Variants in CABIN1 observed in about 807,000 individuals in gnomAD.
CABIN1 encodes calcineurin binding protein 1, also known as calcineurin-binding protein cabin-1.
Under a neutral mutation model 227.7 loss-of-function variants are expected in CABIN1, and 133 were observed. The observed-to-expected ratio is 0.58, with a 90% CI of 0.51 to 0.67. CABIN1 has a LOEUF of 0.67. Among genes scored for constraint, CABIN1 ranks in the 30% least tolerant of loss-of-function variants. The pLI, the probability that CABIN1 is intolerant of heterozygous loss-of-function variation, is 0.00. For synonymous variants in CABIN1, 1,086 were observed against 1,155.1 expected (o/e 0.94, Z 1.21); for missense variants, 2,408 against 2,852.5 (o/e 0.84, Z 3.55).
intron 24 of CABIN1, among the ~76,000 whole-genome samples, chr22:24,094,016 C>T (rs1004574886): frequency 6.6e-5 from 10 of 152,232 alleles, no homozygotes; most frequent in Non-Finnish European, 7.3e-5. Flanking sequence ...GTTGGATCTC[C>T]GTCCTTCCCT....
chr22:24,041,114 C>T, intron 4 of CABIN1, 25 bp from the exon 5 acceptor site: 1 of 1,614,104 alleles, frequency 6.2e-7, no homozygotes, highest in Non-Finnish European at 8.5e-7. Flanking sequence ...GTCTAGTTGT[C>T]ACTTCTGTTC....
chr22:24,088,756 A>G (rs1271860083), intron 23 of CABIN1, among the ~76,000 whole-genome samples: 2 of 152,220 alleles, frequency 1.3e-5, no homozygotes, highest in Non-Finnish European at 2.9e-5. Context: ...TGTAAAAAAA[A>G]GTACTTTTTA....
intron 34 of CABIN1, among the ~76,000 whole-genome samples, chr22:24,174,799 C>T (rs992870377): frequency 3.5e-5 from 5 of 143,172 alleles, no homozygotes; most frequent in African/African-American, 1.3e-4. Context: ...GACTGGTTCT[C>T]CCCAGAGCCA....
chr22:24,104,763 C>T (rs2042417191), intron 26 of CABIN1, among the ~76,000 whole-genome samples: 1 of 152,204 alleles, frequency 6.6e-6, no homozygotes, highest in Non-Finnish European at 1.5e-5. Context: ...TTGACTGAGG[C>T]AGCTTTTATC....
At chr22:24,115,534 C>G (rs1333235821) in intron 27 of CABIN1, among the ~76,000 whole-genome samples, 1 of 152,222 alleles carries the variant, frequency 6.6e-6, no homozygotes, top group Non-Finnish European at 1.5e-5. Context: ...TGAAGTTGAT[C>G]AACTTCCTGT....
In CABIN1 at chr22:24,173,832, T is replaced by TA. The variant is rs1371188906; in HGVS notation, c.6040+1845dup. 4.0e-5 allele frequency among the ~76,000 whole-genome samples: 6 copies of TA among 151,810 alleles called. No homozygotes were observed. In the South Asian group the frequency reaches 8.4e-4, roughly 21 times the overall value. On this transcript the variant is annotated intron_variant, in intron 34 of 36. Coordinates refer to ENST00000263119, the MANE Select transcript of CABIN1 (RefSeq NM_012295.4). The stretch of plus-strand genomic sequence containing the variant: ...CTGGGCGACAGAGCTAGACTCCATC[T>TA]AAAAAAAACGAACTGCAGTGGTTCT...
At position 24,055,083 on chromosome 22, in the gene CABIN1, G is replaced by A; in HGVS notation, c.1017G>A (p.Val339=). ...CAGCTGTGGCTGTCGCCGAGCCTGT[G>A]GTCTCCTACACCTCTGTGGCTACAA... The part of the protein sequence containing the change: ...TNPAVAVAEP[V]VSYTSVATTS... Residue 339 remains valine (V), a synonymous_variant, in exon 9 of 37, where the codon GTG becomes GTA. Coordinates refer to ENST00000263119, the MANE Select transcript of CABIN1 (RefSeq NM_012295.4). 6.2e-7 allele frequency: 1 copy of A among 1,614,224 alleles called. No homozygotes were observed. The highest frequency in any genetic ancestry group is 8.5e-7 in the Non-Finnish European group (1 of 1,180,042).
intron 33 of CABIN1, among the ~76,000 whole-genome samples, chr22:24,170,359 G>A (rs747611418): frequency 6.6e-6 from 1 of 152,186 alleles, no homozygotes; most frequent in African/African-American, 2.4e-5. Flanking sequence ...TGTTGCCATG[G>A]CAGCCCTGAA....
In CABIN1 at chr22:24,171,844, C is replaced by T. The variant is rs773788256; in HGVS notation, c.5889C>T (p.His1963=). Residue 1963 remains histidine, a synonymous_variant, in exon 34 of 37, where the codon CAC becomes CAT. Transcript: ENST00000263119. ...CTGTCCAGCGGCCCAGTGATGCTCA[C>T]ACCAAGCCTCGCCCTGCACTAGCTG... is the stretch of plus-strand genomic sequence containing the variant. ...ADSVQRPSDA[H]TKPRPALAAA... 41 of 1,614,042 alleles carry T rather than the reference C, an allele frequency of 2.5e-5. No homozygotes were observed. The highest frequency in any genetic ancestry group is 4.0e-5 in the African/African-American group (3 of 74,964).
At chr22:24,135,001 C>T (rs370785873) in intron 29 of CABIN1, among the ~76,000 whole-genome samples, 5 of 151,776 alleles carry the variant, frequency 3.3e-5, no homozygotes, top group South Asian at 2.1e-4. Context: ...TGCTTGAGCC[C>T]GGGAGGTGGA....
chr22:24,021,600 C>T (rs1202908782), intron 1 of CABIN1, among the ~76,000 whole-genome samples: 4 of 152,096 alleles, frequency 2.6e-5, no homozygotes, highest in South Asian at 2.1e-4. Flanking sequence ...ATACTTGGTG[C>T]GTGATCTGTC....
At position 24,177,440 on chromosome 22, in the gene CABIN1, G is replaced by T. The variant is rs951064177; in HGVS notation, c.6206-64G>T. The T allele has an allele frequency of 2.2e-6, 3 of 1,375,688 alleles. No individual in the cohort carries two copies. Among genetic ancestry groups the T allele is most frequent in the Non-Finnish European group, 2.9e-6 (3 of 1,018,444 alleles). 85.2% of individuals were successfully genotyped at this position (1,375,688 alleles called of 1,614,324 possible). Reference sequence around the variant, plus strand: ...GGACCTGGGGGGAGCGGGTGGGGGCGAGATAAAGTGCTCACTGTGTGATGC... The same window carrying T: ...GGACCTGGGGGGAGCGGGTGGGGGCTAGATAAAGTGCTCACTGTGTGATGC... On this transcript the variant is annotated intron_variant, in intron 35 of 36. Coordinates refer to ENST00000263119, the MANE Select transcript of CABIN1 (RefSeq NM_012295.4). This position sits in a 1 kb window ranked among gnomAD's most constrained non-coding sequence, Gnocchi z 4.4.
chr22:24,159,307 C>A (rs1341312859), intron 29 of CABIN1, among the ~76,000 whole-genome samples: 1 of 152,256 alleles, frequency 6.6e-6, no homozygotes, highest in East Asian at 1.9e-4. Flanking sequence ...CTGCTGACGT[C>A]AGAAGCTGGG....
chr22:24,112,120 T>G (rs1027316193), intron 26 of CABIN1, among the ~76,000 whole-genome samples: 14 of 152,282 alleles, frequency 9.2e-5, no homozygotes, highest in Admixed American at 1.3e-4. Flanking sequence ...TTCTGCTGAT[T>G]GATTTGTCTC....
At position 24,164,549 on chromosome 22, in the gene CABIN1, C is replaced by T; in HGVS notation, c.4896C>T (p.Thr1632=). 4 of 1,604,676 alleles carry T rather than the reference C, an allele frequency of 2.5e-6. No individual in the cohort carries two copies. The highest frequency in any genetic ancestry group is 3.4e-6 in the Non-Finnish European group (4 of 1,179,916). The change falls in exon 30 of 37, where the codon ACC becomes ACT. Residue 1632 remains threonine, a synonymous_variant. Coordinates refer to ENST00000263119, the MANE Select transcript of CABIN1 (RefSeq NM_012295.4). ...AGGTGTCCTCCATGCTTCAGCGGAC[C>T]CCAGACCAGGGCAAGTGAGTGCAGC... The part of the protein sequence containing the change: ...LLKVSSMLQR[T]PDQGKKYLRD...
At position 24,127,651 on chromosome 22, in the gene CABIN1, A is replaced by G. The variant is rs1447214307; in HGVS notation, c.4633-6651A>G. 2.6e-5 allele frequency among the ~76,000 whole-genome samples: 4 copies of G among 152,190 alleles called. No individual in the cohort carries two copies. The East Asian group carries it at 7.7e-4, about 29-fold the overall frequency. On this transcript the variant is annotated intron_variant, in intron 28 of 36. Transcript: ENST00000263119. ...GTAGCAGCCTGGCAGCGCTAGCCCA[A>G]TCAGACCCCATTTCTTTGGCCCAGG...
At chr22:24,033,822 A>G (rs1267791688) in intron 1 of CABIN1, among the ~76,000 whole-genome samples, 2 of 152,190 alleles carry the variant, frequency 1.3e-5, no homozygotes, top group African/African-American at 4.8e-5. Context: ...TTAGTATATT[A>G]ACAGAGTTGT....
intron 19 of CABIN1, among the ~76,000 whole-genome samples, chr22:24,079,922 T>C (rs1400633080): frequency 6.6e-6 from 1 of 152,196 alleles, no homozygotes; most frequent in African/African-American, 2.4e-5. Context: ...ATGTGTATGG[T>C]ATTTGTTTTA....
At chr22:24,057,784 G>A (rs931762542) in intron 10 of CABIN1, among the ~76,000 whole-genome samples, 1 of 152,152 alleles carries the variant, frequency 6.6e-6, no homozygotes, top group African/African-American at 2.4e-5. Context: ...AACCAAAGTG[G>A]GGCTGCAGTG....
Sources: gnomAD v4.1 joint callset for allele counts (sites outside exome capture counted in the v4.1 genomes callset) on GRCh38, gnomAD v4.1.1 for gene constraint, Gnocchi (gnomAD v3.1) non-coding constraint, MANE v1.5 for transcripts, NCBI Gene and HGNC (gene_info 2026-07-23, HGNC 2026-07-21) for gene names.